Variants in TNFRSF13B observed in about 807,000 individuals in gnomAD.
The protein encoded by TNFRSF13B is tumor necrosis factor receptor superfamily member 13B.
In TNFRSF13B, 34 loss-of-function variants were observed where a neutral mutation model predicts 24.0. That is an observed-to-expected ratio of 1.41 (90% CI 1.08 to 1.88). The LOEUF is 1.88. Ranked by LOEUF, TNFRSF13B falls within the 40% of genes most tolerant of loss-of-function variation. TNFRSF13B has a pLI of 0.00. For missense variants in TNFRSF13B, 415 were observed against 380.8 expected (o/e 1.09, Z -0.75); for synonymous variants, 173 against 150.3 (o/e 1.15, Z -1.10).
intron 1 of TNFRSF13B, among the ~76,000 whole-genome samples, chr17:16,965,431 A>G (rs940568669): frequency 6.6e-6 from 1 of 152,186 alleles, no homozygotes; most frequent in East Asian, 1.9e-4. Context: ...GTACTGTCTC[A>G]TTTGTCTCTG....
At chr17:16,969,478 T>C (rs1366581128) in intron 1 of TNFRSF13B, among the ~76,000 whole-genome samples, 1 of 152,238 alleles carries the variant, frequency 6.6e-6, no homozygotes, top group African/African-American at 2.4e-5. Flanking sequence ...ATTCCATTTA[T>C]GGAAAATGTC....
In TNFRSF13B at chr17:16,939,409, C is replaced by G. The variant is rs2087489504; in HGVS notation, c.*138G>C. The G allele has an allele frequency of 9.5e-7, 1 of 1,055,172 alleles. No individual in the cohort carries two copies. Among genetic ancestry groups the G allele is most frequent in the Non-Finnish European group, 1.3e-6 (1 of 749,712 alleles). The allele number at this position is 1,055,172 out of a possible 1,614,324, so 65.4% of individuals were successfully genotyped here. A position where few individuals can be genotyped will look rare whatever the true frequency, so the allele number is the denominator to read the frequency against. On this transcript the variant is annotated 3_prime_UTR_variant, in exon 5 of 5. Transcript: ENST00000261652. ...TCTCTCCCTCTGTCTCTCTCTCCCT[C>G]TCTGTCTCCTCTGTTTCTCTCCCTC... is the stretch of plus-strand genomic sequence containing the variant.
chr17:16,959,375 T>C (rs1422152515), intron 1 of TNFRSF13B, among the ~76,000 whole-genome samples: 2 of 151,594 alleles, frequency 1.3e-5, no homozygotes, highest in Non-Finnish European at 3.0e-5. Flanking sequence ...AAAAGAAGAA[T>C]CATAACCTGA....
chr17:16,939,610 G>T lies in TNFRSF13B; in HGVS notation c.819C>A (p.His273Gln). The T allele has an allele frequency of 6.2e-7, 1 of 1,613,646 alleles. No individual in the cohort carries two copies. The highest frequency in any genetic ancestry group is 8.5e-7 in the Non-Finnish European group (1 of 1,179,748). Residue 273 changes from histidine to glutamine, a missense_variant, in exon 5 of 5, where the codon CAC becomes CAA. Transcript: ENST00000261652. ...CAATGCCAAGGCCACTGTCTGGGAT[G>T]TGTGGGCAAGGCTGCAGGACTGTGG... The part of the protein sequence containing the change: ...TRTTVLQPCP[H>Q]IPDSGLGIVC...
intron 1 of TNFRSF13B, among the ~76,000 whole-genome samples, chr17:16,961,466 T>C (rs1212650269): frequency 6.6e-6 from 1 of 152,248 alleles, no homozygotes; most frequent in Non-Finnish European, 1.5e-5. Flanking sequence ...GAAGATATTA[T>C]GCTAAGTGAA....
chr17:16,944,188 ATCCCAGCCTCCAGCACAGAGCCCC>A (rs2087531560), intron 3 of TNFRSF13B, among the ~76,000 whole-genome samples: 1 of 152,086 alleles, frequency 6.6e-6, no homozygotes, highest in South Asian at 2.1e-4. Context: ...GAAGGGATTT[ATCCCAGCCTCCAGCACAGAGCCCC>A]TCACAGCCTC....
At chr17:16,949,089 C>G in intron 2 of TNFRSF13B, 106 bp from the exon 3 acceptor site, 4 of 1,486,608 alleles carry the variant, frequency 2.7e-6, no homozygotes, top group Non-Finnish European at 3.7e-6. Context: ...CAGTAAAATT[C>G]CAGAAGGCAA....
intron 1 of TNFRSF13B, among the ~76,000 whole-genome samples, chr17:16,966,520 C>T (rs1403118947): frequency 1.3e-5 from 2 of 152,198 alleles, no homozygotes; most frequent in African/African-American, 2.4e-5. Flanking sequence ...ATTCAAACTA[C>T]ACTGATACCA....
intron 1 of TNFRSF13B, among the ~76,000 whole-genome samples, chr17:16,963,560 G>GT (rs1567656017): frequency 7.0e-6 from 1 of 141,972 alleles, no homozygotes; most frequent in East Asian, 2.2e-4. Flanking sequence ...TGTTTTTTTG[G>GT]TTTTTTCGAG....
intron 3 of TNFRSF13B, among the ~76,000 whole-genome samples, chr17:16,943,153 G>A (rs762662302): frequency 6.6e-5 from 10 of 152,170 alleles, no homozygotes; most frequent in Admixed American, 5.2e-4. Flanking sequence ...CAGAAGACCC[G>A]CCTAGCTGAA....
intron 1 of TNFRSF13B, among the ~76,000 whole-genome samples, chr17:16,957,396 G>A (rs2087632444): frequency 6.6e-6 from 1 of 152,012 alleles, no homozygotes; most frequent in South Asian, 2.1e-4. Flanking sequence ...GCTCATAGAA[G>A]TTACAGAAGG....
At position 16,951,627 on chromosome 17, in the gene TNFRSF13B, G is replaced by T. The variant is rs186888779; in HGVS notation, c.199+819C>A. ...AGGCAGGCTGGGTGCAGTGGCTCACGCCTGTAATCCCAGCACTTTGGGAGG... is the reference window on the plus strand; with the variant it reads ...AGGCAGGCTGGGTGCAGTGGCTCACTCCTGTAATCCCAGCACTTTGGGAGG... On this transcript the variant is annotated intron_variant, in intron 2 of 4. Coordinates refer to ENST00000261652, the MANE Select transcript of TNFRSF13B (RefSeq NM_012452.3). 9.2e-5 allele frequency among the ~76,000 whole-genome samples: 14 copies of T among 152,274 alleles called. No homozygotes were observed. The South Asian group carries it at 1.7e-3, about 18-fold the overall frequency.
intron 2 of TNFRSF13B, among the ~76,000 whole-genome samples, chr17:16,951,512 A>G (rs1567653019): frequency 6.6e-6 from 1 of 152,276 alleles, no homozygotes. Flanking sequence ...TGGCAGTGAT[A>G]GGATATTTGG....
rs1567649229 is a variant in TNFRSF13B at position 16,939,272 on chromosome 17, T to TCTCTCTGC, written c.*267_*274dup. ...CTCTCTGTCCCTCTCTCCCTCTCTGTCTCTCTGCCTCTCTCCCTCTCTGCC... is the reference window on the plus strand; with the variant it reads ...CTCTCTGTCCCTCTCTCCCTCTCTGTCTCTCTGCCTCTCTGCCTCTCTCCCTCTCTGCC... On this transcript the variant is annotated 3_prime_UTR_variant, in exon 5 of 5. Transcript: ENST00000261652. 2.3e-6 allele frequency: 1 copy of TCTCTCTGC among 430,268 alleles called. No homozygotes were observed. Among genetic ancestry groups the TCTCTCTGC allele is most frequent in the Non-Finnish European group, 4.2e-6 (1 of 240,806 alleles). 26.7% of individuals were successfully genotyped at this position (430,268 alleles called of 1,614,324 possible).
chr17:16,971,886 G>A (rs879669800), intron 1 of TNFRSF13B, 129 bp downstream of exon 1: 6 of 908,730 alleles, frequency 6.6e-6, no homozygotes, highest in Non-Finnish European at 7.2e-6. Flanking sequence ...TGGGGAGGCT[G>A]GGACTGCCCC....
chr17:16,949,686 AT>A (rs58362582), intron 2 of TNFRSF13B, among the ~76,000 whole-genome samples: 1,502 of 144,266 alleles, frequency 0.01, 9 homozygotes, highest in African/African-American at 0.021. Context: ...AATATTTCTA[AT>A]TTTTTTTTTT....
At chr17:16,970,681 G>A (rs961304825) in intron 1 of TNFRSF13B, among the ~76,000 whole-genome samples, 3 of 117,122 alleles carry the variant, frequency 2.6e-5, no homozygotes, top group Non-Finnish European at 5.5e-5. Flanking sequence ...GTGGACAACC[G>A]GCCAGGGCTG....
intron 1 of TNFRSF13B, among the ~76,000 whole-genome samples, chr17:16,971,805 G>A (rs2087746920): frequency 6.6e-6 from 1 of 152,188 alleles, no homozygotes; most frequent in African/African-American, 2.4e-5. Flanking sequence ...AACCTCAGTG[G>A]CTTCTGTCAC....
At chr17:16,970,512 G>A (rs1399148889) in intron 1 of TNFRSF13B, among the ~76,000 whole-genome samples, 4 of 152,232 alleles carry the variant, frequency 2.6e-5, no homozygotes, top group East Asian at 1.9e-4. Flanking sequence ...TTTTTTAACC[G>A]CAGGGCTTCT....
Sources: gnomAD v4.1 joint callset for allele counts (sites outside exome capture counted in the v4.1 genomes callset) on GRCh38, gnomAD v4.1.1 for gene constraint, MANE v1.5 for transcripts, NCBI Gene and HGNC (gene_info 2026-07-23, HGNC 2026-07-21) for gene names.